DMRTA2: variants seen among roughly 807,000 people sequenced by gnomAD.
The protein encoded by DMRTA2 is DMRT like family A2, also known as doublesex- and mab-3-related transcription factor A2.
Under a neutral mutation model 29.7 loss-of-function variants are expected in DMRTA2, and 10 were observed. The ratio of observed to expected loss-of-function variants is 0.34; its 90% CI spans 0.21 to 0.57. The LOEUF is 0.57. Ranked by LOEUF, DMRTA2 falls within the 20% of genes least tolerant of loss-of-function variation. The pLI, the probability that DMRTA2 is intolerant of heterozygous loss-of-function variation, is 0.87. For synonymous variants in DMRTA2, 469 were observed against 402.6 expected, an observed-to-expected ratio of 1.16 and a Z score of -1.97; for missense variants, 783 against 812.1, an observed-to-expected ratio of 0.96 and a Z score of 0.44.
In DMRTA2 at chr1:50,419,802, C is replaced by G. The variant is rs533466801; in HGVS notation, c.560-68G>C. 3.8e-6 allele frequency: 5 copies of G among 1,319,572 alleles called. No individual in the cohort carries two copies. Among genetic ancestry groups the G allele is most frequent in the Non-Finnish European group, 5.0e-6 (5 of 1,000,912 alleles). The allele number at this position is 1,319,572 out of a possible 1,614,324, so 81.7% of individuals were successfully genotyped here. On this transcript the variant is annotated intron_variant, in intron 2 of 2. Transcript: ENST00000404795. The surrounding 1 kb of genome is among the most constrained non-coding windows in gnomAD (Gnocchi z 6.1). ...AGACAGCAGTCACAGCACCTCGGCC[C>G]TTTGGATCTCAGTTTCCTCTCCCTC...
rs1218415321 is a variant in DMRTA2 at position 50,422,719 on chromosome 1, C to T, written c.-9+397G>A. 2.0e-5 allele frequency among the ~76,000 whole-genome samples: 3 copies of T among 152,206 alleles called. No individual in the cohort carries two copies. The East Asian group carries it at 5.8e-4, about 29-fold the overall frequency. ...CCCGTCTTGGGGTCCCAGGGGACCC[C>T]TCTCGAGCGCAGGCTCCTGCGTTCT... On this transcript the variant is annotated intron_variant, in intron 1 of 2. Transcript: ENST00000404795. The surrounding 1 kb of genome is among the most constrained non-coding windows in gnomAD (Gnocchi z 5.7).
rs1646015366 is a variant in DMRTA2, at chr1:50,419,147, A to C, written c.1147T>G (p.Trp383Gly). ...VGAAAAADDA[W>G]PSRVDAAAAA... Reference sequence around the variant, plus strand: ...GCGGCGGCGTCGACGCGGCTGGGCCACGCGTCGTCTGCAGCTGCTGCAGCA... The same window carrying C: ...GCGGCGGCGTCGACGCGGCTGGGCCCCGCGTCGTCTGCAGCTGCTGCAGCA... Residue 383 changes from tryptophan to glycine, a missense_variant, in exon 3 of 3, where the codon TGG (tryptophan) becomes GGG (glycine). Around this residue, in one of 3 missense-constraint regions of DMRTA2, gnomAD observed 667 missense variants for 624.8 expected, o/e 1.07. Coordinates refer to ENST00000404795, the MANE Select transcript of DMRTA2 (RefSeq NM_032110.3). This position sits in a 1 kb window ranked among gnomAD's most constrained non-coding sequence, Gnocchi z 6.1. 6.5e-6 allele frequency: 7 copies of C among 1,072,194 alleles called. No homozygotes were observed. Among genetic ancestry groups the C allele is most frequent in the East Asian group, 5.8e-5 (1 of 17,212 alleles). The allele number at this position is 1,072,194 out of a possible 1,614,324, so 66.4% of individuals were successfully genotyped here. A position where few individuals can be genotyped will look rare whatever the true frequency, so the allele number is the denominator to read the frequency against.
chr1:50,421,046 T>C lies in DMRTA2; in HGVS notation c.491A>G (p.Asp164Gly), dbSNP rs1467683138. The C allele has an allele frequency of 6.6e-7, 1 of 1,511,422 alleles. No homozygotes were observed. Among genetic ancestry groups the C allele is most frequent in the Non-Finnish European group, 8.8e-7 (1 of 1,136,728 alleles). The allele number at this position is 1,511,422 out of a possible 1,614,324, so 93.6% of individuals were successfully genotyped here. Residue 164 changes from aspartate (D) to glycine (G), a missense_variant, in exon 2 of 3, where the codon GAC becomes GGC. Coordinates refer to ENST00000404795, the MANE Select transcript of DMRTA2 (RefSeq NM_032110.3). The surrounding 1 kb of genome is among the most constrained non-coding windows in gnomAD (Gnocchi z 8.7). Reference sequence around the variant, plus strand: ...CGCTCCCGCTCCAGGTCCCCCGCCGTCGGCGGCGCACACTGAACCGAAGAC... The same window carrying C: ...CGCTCCCGCTCCAGGTCCCCCGCCGCCGGCGGCGCACACTGAACCGAAGAC... Reference protein sequence around the residue: ...YEVFGSVCAADGGGPGAGAPA... With the variant: ...YEVFGSVCAAGGGGPGAGAPA...
At position 50,422,041 on chromosome 1, in the gene DMRTA2, G is replaced by T. The variant is rs187669043; in HGVS notation, c.-8-497C>A. On this transcript the variant is annotated intron_variant, in intron 1 of 2. Transcript: ENST00000404795. This position sits in a 1 kb window ranked among gnomAD's most constrained non-coding sequence, Gnocchi z 5.7. ...GAGCAAAACGGTCAGTTTGGTGGAAGGGTGAAGAGGAGAGAGATGTGAAGG... is the reference window on the plus strand; with the variant it reads ...GAGCAAAACGGTCAGTTTGGTGGAATGGTGAAGAGGAGAGAGATGTGAAGG... 1.3e-5 allele frequency among the ~76,000 whole-genome samples: 2 copies of T among 152,348 alleles called. No homozygotes were observed. The highest frequency in any genetic ancestry group is 4.8e-5 in the African/African-American group (2 of 41,586).
In DMRTA2 at chr1:50,420,916, G is replaced by A. The variant is rs1213454511; in HGVS notation, c.559+62C>T. 5 of 1,396,206 alleles carry A rather than the reference G, an allele frequency of 3.6e-6. No individual in the cohort carries two copies. Among genetic ancestry groups the A allele is most frequent in the Non-Finnish European group, 3.7e-6 (4 of 1,084,420 alleles). The allele number at this position is 1,396,206 out of a possible 1,614,324, so 86.5% of individuals were successfully genotyped here. A position where few individuals can be genotyped will look rare whatever the true frequency, so the allele number is the denominator to read the frequency against. On this transcript the variant is annotated intron_variant, in intron 2 of 2. Transcript: ENST00000404795. This position sits in a 1 kb window ranked among gnomAD's most constrained non-coding sequence, Gnocchi z 4.1. The stretch of plus-strand genomic sequence containing the variant: ...TCTTTCTGAACCGAGACAAGCCCCT[G>A]GGCCCCGTGCCCCAGAGCTACGATC...
chr1:50,419,592 C>A lies in DMRTA2; in HGVS notation c.702G>T (p.Arg234=), dbSNP rs776407763. 1.9e-6 allele frequency: 3 copies of A among 1,552,246 alleles called. No individual in the cohort carries two copies. Among genetic ancestry groups the A allele is most frequent in the Non-Finnish European group, 2.6e-6 (3 of 1,150,314 alleles). ...CGCCGTTCTCCGAGCCTGAGCCGGG[C>A]CGCACCTCTGGGGACGACGTCCCGG... The part of the protein sequence containing the change: ...SGPGTSSPEV[R]PGSGSENGDG... The change falls in exon 3 of 3, where the codon CGG becomes CGT. Residue 234 remains arginine, a synonymous_variant. Transcript: ENST00000404795. The surrounding 1 kb of genome is among the most constrained non-coding windows in gnomAD (Gnocchi z 6.1).
rs762517432 is a variant in DMRTA2 at position 50,419,373 on chromosome 1, T to G, written c.921A>C (p.Gly307=). 1.3e-6 allele frequency: 2 copies of G among 1,596,628 alleles called. No individual in the cohort carries two copies. Among genetic ancestry groups the G allele is most frequent in the Non-Finnish European group, 1.7e-6 (2 of 1,179,026 alleles). The change falls in exon 3 of 3, where the codon GGA becomes GGC. Residue 307 remains glycine (G), a synonymous_variant. Coordinates refer to ENST00000404795, the MANE Select transcript of DMRTA2 (RefSeq NM_032110.3). This position sits in a 1 kb window ranked among gnomAD's most constrained non-coding sequence, Gnocchi z 6.1. ...GCGTCCGCTGCCGTGGACCCGAGCCTCCGCCCAGCCCTGGCGCCGGCGCGG... is the reference window on the plus strand; with the variant it reads ...GCGTCCGCTGCCGTGGACCCGAGCCGCCGCCCAGCCCTGGCGCCGGCGCGG... The part of the protein sequence containing the change: ...GEAAPAPGLG[G]GSGPRQRTPL...
rs1646022880 is a variant in DMRTA2 at position 50,419,760 on chromosome 1, A to C, written c.560-26T>G. 1 of 1,446,984 alleles carries C rather than the reference A, an allele frequency of 6.9e-7. No individual in the cohort carries two copies. The highest frequency in any genetic ancestry group is 1.5e-5 in the South Asian group (1 of 66,100). The allele number at this position is 1,446,984 out of a possible 1,614,324, so 89.6% of individuals were successfully genotyped here. ...CTGGGAGGGGAGAAAACGTGTCGTG[A>C]GGAGCGGTTAGCTAGAAGACAGCAG... On this transcript the variant is annotated intron_variant, in intron 2 of 2. Coordinates refer to ENST00000404795, the MANE Select transcript of DMRTA2 (RefSeq NM_032110.3). The surrounding 1 kb of genome is among the most constrained non-coding windows in gnomAD (Gnocchi z 6.1).
rs934051311 is a variant in DMRTA2, at chr1:50,418,336, C to A, written c.*329G>T. ...GAGCACAGCTAAGGAGCCGCAGGAG[C>A]CTGCGCTGCTGTCGCAGCCTCTGAA... On this transcript the variant is annotated 3_prime_UTR_variant, in exon 3 of 3. Coordinates refer to ENST00000404795, the MANE Select transcript of DMRTA2 (RefSeq NM_032110.3). 2 of 237,386 alleles carry A rather than the reference C, an allele frequency of 8.4e-6. No homozygotes were observed. The highest frequency in any genetic ancestry group is 1.6e-5 in the Non-Finnish European group (2 of 124,080). 14.7% of individuals were successfully genotyped at this position (237,386 alleles called of 1,614,324 possible). A position where few individuals can be genotyped will look rare whatever the true frequency, so the allele number is the denominator to read the frequency against.
chr1:50,421,562 G>T lies in DMRTA2; in HGVS notation c.-8-18C>A, dbSNP rs762887656. 7 of 1,240,902 alleles carry T rather than the reference G, an allele frequency of 5.6e-6. No homozygotes were observed. Among genetic ancestry groups the T allele is most frequent in the Non-Finnish European group, 7.0e-6 (7 of 995,326 alleles). The allele number at this position is 1,240,902 out of a possible 1,614,324, so 76.9% of individuals were successfully genotyped here. On this transcript the variant is annotated intron_variant, in intron 1 of 2. Transcript: ENST00000404795. The surrounding 1 kb of genome is among the most constrained non-coding windows in gnomAD (Gnocchi z 8.7). ...GACAGGACCTGACGGGAAAGAAGGT[G>T]GGAGAGGGGAGAGACCTGGTGAGGA...
rs1646039996 is a variant in DMRTA2 at position 50,421,647 on chromosome 1, T to G, written c.-8-103A>C. The G allele has an allele frequency of 1.7e-6, 2 of 1,188,372 alleles. No individual in the cohort carries two copies. The highest frequency in any genetic ancestry group is 7.2e-5 in the East Asian group (2 of 27,806). The allele number at this position is 1,188,372 out of a possible 1,614,324, so 73.6% of individuals were successfully genotyped here. ...GGAACCCAAGCTGGAGAGGGAAATT[T>G]GGGCCGCGGAGGCTGGGCTAGAGGG... On this transcript the variant is annotated intron_variant, in intron 1 of 2. Transcript: ENST00000404795. The surrounding 1 kb of genome is among the most constrained non-coding windows in gnomAD (Gnocchi z 8.7).
rs534466109 is a variant in DMRTA2 at position 50,418,949 on chromosome 1, C to G, written c.1345G>C (p.Gly449Arg). 6.9e-7 allele frequency: 1 copy of G among 1,451,104 alleles called. No individual in the cohort carries two copies. Among genetic ancestry groups the G allele is most frequent in the Non-Finnish European group, 9.0e-7 (1 of 1,106,856 alleles). The allele number at this position is 1,451,104 out of a possible 1,614,324, so 89.9% of individuals were successfully genotyped here. A position where few individuals can be genotyped will look rare whatever the true frequency, so the allele number is the denominator to read the frequency against. Residue 449 changes from glycine (G) to arginine (R), a missense_variant, in exon 3 of 3, where the codon GGT (glycine) becomes CGT (arginine). Physicochemically the swap from Gly to Arg is moderately radical, Grantham distance 125 (BLOSUM62 -2). Around this residue, in one of 3 missense-constraint regions of DMRTA2, gnomAD observed 667 missense variants for 624.8 expected, o/e 1.07. Coordinates refer to ENST00000404795, the MANE Select transcript of DMRTA2 (RefSeq NM_032110.3). ...AGCGGGTAGGCGCCCGCGTCGGCAC[C>G]GAAGTGACTGGCGTTGGGCTGCAGC... ...SPLQPNASHFGADAGAYPLGA... is the reference protein window; with the variant it reads ...SPLQPNASHFRADAGAYPLGA...
Position 50,421,003 on chromosome 1 carries a change from G to A in DMRTA2, c.534C>T (p.Gly178=). The A allele has an allele frequency of 6.6e-7, 1 of 1,504,500 alleles. No individual in the cohort carries two copies. The highest frequency in any genetic ancestry group is 8.8e-7 in the Non-Finnish European group (1 of 1,133,816). The allele number at this position is 1,504,500 out of a possible 1,614,324, so 93.2% of individuals were successfully genotyped here. The change falls in exon 2 of 3, where the codon GGC becomes GGT. Residue 178 remains glycine (G), a synonymous_variant. Coordinates refer to ENST00000404795, the MANE Select transcript of DMRTA2 (RefSeq NM_032110.3). The surrounding 1 kb of genome is among the most constrained non-coding windows in gnomAD (Gnocchi z 8.7). ...CTGAGCCCCCTGCGCCAGCTGCTCC[G>A]CCTCCGGTCCCCGCGGGCGCTCCCG... ...PGAGAPAGTG[G]GAAGAGGSEA... is the part of the protein sequence containing the mutation.
Position 50,418,349 on chromosome 1 carries a change from C to G in DMRTA2, c.*316G>C. Reference sequence around the variant, plus strand: ...GAGCCGCAGGAGCCTGCGCTGCTGTCGCAGCCTCTGAATTCTCATGAATTC... The same window carrying G: ...GAGCCGCAGGAGCCTGCGCTGCTGTGGCAGCCTCTGAATTCTCATGAATTC... On this transcript the variant is annotated 3_prime_UTR_variant, in exon 3 of 3. Coordinates refer to ENST00000404795, the MANE Select transcript of DMRTA2 (RefSeq NM_032110.3). 1 of 259,442 alleles carries G rather than the reference C, an allele frequency of 3.9e-6. No homozygotes were observed. The highest frequency in any genetic ancestry group is 6.7e-5 in the East Asian group (1 of 14,874). The allele number at this position is 259,442 out of a possible 1,614,324, so 16.1% of individuals were successfully genotyped here.
In DMRTA2 at chr1:50,420,966, C is replaced by A. The variant is rs1266655743; in HGVS notation, c.559+12G>T. 9 of 1,452,016 alleles carry A rather than the reference C, an allele frequency of 6.2e-6. No homozygotes were observed. The highest frequency in any genetic ancestry group is 8.1e-6 in the Non-Finnish European group (9 of 1,112,268). 89.9% of individuals were successfully genotyped at this position (1,452,016 alleles called of 1,614,324 possible). ...CCTGCTGCCCCTACCTGCGGCCTGG[C>A]CGCGCTCTCACCTGAGCCCCCTGCG... On this transcript the variant is annotated intron_variant, in intron 2 of 2. Transcript: ENST00000404795. This position sits in a 1 kb window ranked among gnomAD's most constrained non-coding sequence, Gnocchi z 4.1.
rs757564673 is a variant in DMRTA2 at position 50,419,621 on chromosome 1, C to T, written c.673G>A (p.Gly225Arg). 9 of 1,529,986 alleles carry T rather than the reference C, an allele frequency of 5.9e-6. No homozygotes were observed. The Admixed American group carries it at 8.3e-5, about 14-fold the overall frequency. The allele number at this position is 1,529,986 out of a possible 1,614,324, so 94.8% of individuals were successfully genotyped here. A position where few individuals can be genotyped will look rare whatever the true frequency, so the allele number is the denominator to read the frequency against. ...ACCTCTGGGGACGACGTCCCGGGCC[C>T]CGAGTCTGCGCCGTCGGGTGATAAG... ...KPLSPDGADS[G>R]PGTSSPEVRP... The change falls in exon 3 of 3, where the codon GGG becomes AGG. Residue 225 changes from glycine (G) to arginine (R), a missense_variant. This residue lies in a region of DMRTA2 where 667 missense variants were observed against 624.8 expected (regional missense o/e 1.07). Transcript: ENST00000404795. This position sits in a 1 kb window ranked among gnomAD's most constrained non-coding sequence, Gnocchi z 6.1.
rs1014677944 is a variant in DMRTA2, at chr1:50,421,486, C to G, written c.51G>C (p.Ala17=). The G allele has an allele frequency of 3.1e-6, 4 of 1,271,942 alleles. No individual in the cohort carries two copies. The highest frequency in any genetic ancestry group is 3.9e-6 in the Non-Finnish European group (4 of 1,015,382). 78.8% of individuals were successfully genotyped at this position (1,271,942 alleles called of 1,614,324 possible). The change falls in exon 2 of 3, where the codon GCG becomes GCC. Residue 17 remains alanine, a synonymous_variant. Transcript: ENST00000404795. This position sits in a 1 kb window ranked among gnomAD's most constrained non-coding sequence, Gnocchi z 8.7. ...LPSVPGAATA[A]AATATGPPVA... ...CAGGCGGCCCCGTCGCTGTTGCCGC[C>G]GCCGCCGTCGCCGCGCCGGGCACGC... is the stretch of plus-strand genomic sequence containing the variant.
In DMRTA2 at chr1:50,419,870, CT is replaced by C. The variant is rs1646023825; in HGVS notation, c.560-137del. 3 of 732,944 alleles carry C rather than the reference CT, an allele frequency of 4.1e-6. No individual in the cohort carries two copies. Among genetic ancestry groups the C allele is most frequent in the Non-Finnish European group, 6.2e-6 (3 of 486,472 alleles). The allele number at this position is 732,944 out of a possible 1,614,324, so 45.4% of individuals were successfully genotyped here. A position where few individuals can be genotyped will look rare whatever the true frequency, so the allele number is the denominator to read the frequency against. On this transcript the variant is annotated intron_variant, in intron 2 of 2. Transcript: ENST00000404795. This position sits in a 1 kb window ranked among gnomAD's most constrained non-coding sequence, Gnocchi z 6.1. ...TCACTAGGCTCCAGTGCCCCTCTTT[CT>C]TTTTGCTCTAGCATTCCTTCCGCTC...
At position 50,419,630 on chromosome 1, in the gene DMRTA2, C is replaced by A; in HGVS notation, c.664G>T (p.Ala222Ser). 2 of 1,522,502 alleles carry A rather than the reference C, an allele frequency of 1.3e-6. No individual in the cohort carries two copies. The highest frequency in any genetic ancestry group is 8.8e-7 in the Non-Finnish European group (1 of 1,137,668). The allele number at this position is 1,522,502 out of a possible 1,614,324, so 94.3% of individuals were successfully genotyped here. A position where few individuals can be genotyped will look rare whatever the true frequency, so the allele number is the denominator to read the frequency against. Residue 222 changes from alanine to serine, a missense_variant, in exon 3 of 3, where the codon GCA (alanine) becomes TCA (serine). Ala to Ser is a moderately conservative substitution (Grantham distance 99, BLOSUM62 1). Transcript: ENST00000404795. The surrounding 1 kb of genome is among the most constrained non-coding windows in gnomAD (Gnocchi z 6.1). Reference sequence around the variant, plus strand: ...GACGACGTCCCGGGCCCCGAGTCTGCGCCGTCGGGTGATAAGGGCTTCACC... The same window carrying A: ...GACGACGTCCCGGGCCCCGAGTCTGAGCCGTCGGGTGATAAGGGCTTCACC... ...PPVKPLSPDG[A>S]DSGPGTSSPE...
Sources: gnomAD v4.1 joint callset for allele counts (sites outside exome capture counted in the v4.1 genomes callset) on GRCh38, gnomAD v4.1.1 for gene constraint, gnomAD v4.1.1 regional missense constraint, Gnocchi (gnomAD v3.1) non-coding constraint, MANE v1.5 for transcripts, NCBI Gene and HGNC (gene_info 2026-07-23, HGNC 2026-07-21) for gene names.